The following CWC27 variants were observed in gnomAD, a reference collection of about 807,000 sequenced individuals.
CWC27 encodes spliceosome-associated protein CWC27 homolog.
In CWC27, 47 loss-of-function variants were observed where a neutral mutation model predicts 63.6. That is an observed-to-expected ratio of 0.74 (90% CI 0.58 to 0.94). The LOEUF (loss-of-function observed/expected upper bound fraction) is 0.94, where lower values mean the gene tolerates loss of function less well. CWC27 is among the 40% of genes least tolerant of loss of function. The probability of loss-of-function intolerance (pLI) is 0.00; values close to 1 mark genes in which losing one functional copy is unlikely to be tolerated. For synonymous variants in CWC27, 175 were observed against 179.8 expected, an observed-to-expected ratio of 0.97 and a Z score of 0.22; for missense variants, 495 against 554.3, an observed-to-expected ratio of 0.89 and a Z score of 1.07.
chr5:64,875,478 C>T (rs563905358), intron 10 of CWC27, among the ~76,000 whole-genome samples: 2 of 152,246 alleles, frequency 1.3e-5, no homozygotes, highest in South Asian at 2.1e-4. Flanking sequence ...GGTAGGTTCT[C>T]TGTTAGCCTC....
chr5:64,814,008 T>C (rs1411871944), intron 10 of CWC27, among the ~76,000 whole-genome samples: 1 of 152,090 alleles, frequency 6.6e-6, no homozygotes, highest in East Asian at 1.9e-4. Flanking sequence ...CAGTCCAGGA[T>C]GGCTTTGAAT....
intron 2 of CWC27, among the ~76,000 whole-genome samples, chr5:64,777,470 CTACTT>C (rs1448013593): frequency 6.6e-6 from 1 of 152,038 alleles, no homozygotes; most frequent in Non-Finnish European, 1.5e-5. Flanking sequence ...AAACGTATAA[CTACTT>C]TAAAGTGCAA....
chr5:64,889,240 T>C (rs569759549), intron 11 of CWC27, among the ~76,000 whole-genome samples: 1 of 152,068 alleles, frequency 6.6e-6, no homozygotes, highest in South Asian at 2.1e-4. Context: ...GTGTGGAAAA[T>C]GGTGAAATTC....
chr5:65,001,733 T>C (rs1749735338), intron 13 of CWC27, among the ~76,000 whole-genome samples: 1 of 152,128 alleles, frequency 6.6e-6, no homozygotes, highest in Non-Finnish European at 1.5e-5. Context: ...AGTATTTTGT[T>C]ATGAATTTTT....
At chr5:64,950,310 GT>G (rs777870598) in intron 11 of CWC27, among the ~76,000 whole-genome samples, 236 of 150,082 alleles carry the variant, frequency 1.6e-3, no homozygotes, top group Non-Finnish European at 1.7e-3. Context: ...ACATATAAGT[GT>G]TTTTTTTCCA....
chr5:64,793,080 T>C (rs1232462910), intron 7 of CWC27, among the ~76,000 whole-genome samples: 1 of 152,184 alleles, frequency 6.6e-6, no homozygotes, highest in Non-Finnish European at 1.5e-5. Flanking sequence ...TAGAATCTTA[T>C]GCCCTTATGC....
At chr5:64,842,894 A>T (rs1263866458) in intron 10 of CWC27, among the ~76,000 whole-genome samples, 1 of 152,114 alleles carries the variant, frequency 6.6e-6, no homozygotes, top group African/African-American at 2.4e-5. Context: ...GAGCCACCCT[A>T]CCCGGCCTTT....
intron 10 of CWC27, among the ~76,000 whole-genome samples, chr5:64,809,334 C>T (rs932515524): frequency 1.3e-5 from 2 of 152,122 alleles, no homozygotes; most frequent in Non-Finnish European, 2.9e-5. Context: ...TTTTGAAGTA[C>T]ATTAACTGTG....
chr5:64,875,352 T>C (rs1746771200), intron 10 of CWC27, among the ~76,000 whole-genome samples: 1 of 152,156 alleles, frequency 6.6e-6, no homozygotes, highest in African/African-American at 2.4e-5. Flanking sequence ...ATGGATATAG[T>C]CTTTTTATTC....
chr5:64,976,520 T>A (rs1749230905), intron 12 of CWC27, among the ~76,000 whole-genome samples: 1 of 151,980 alleles, frequency 6.6e-6, no homozygotes. Flanking sequence ...ATACATTTTT[T>A]ATTTTATTTT....
intron 11 of CWC27, among the ~76,000 whole-genome samples, chr5:64,928,796 A>C (rs1748172045): frequency 6.6e-6 from 1 of 152,236 alleles, no homozygotes; most frequent in African/African-American, 2.4e-5. Flanking sequence ...CATGGAAAGG[A>C]AAGAGAAACT....
At chr5:64,827,109 C>T (rs1315768666) in intron 10 of CWC27, among the ~76,000 whole-genome samples, 1 of 152,106 alleles carries the variant, frequency 6.6e-6, no homozygotes. Flanking sequence ...GCATCCTTTC[C>T]TTAGAAGATT....
chr5:64,772,833 A>G (rs1470595524), intron 1 of CWC27, among the ~76,000 whole-genome samples: 1 of 151,146 alleles, frequency 6.6e-6, no homozygotes, highest in African/African-American at 2.4e-5. Flanking sequence ...GCTACTCGGG[A>G]GGCTGAGGCA....
intron 10 of CWC27, among the ~76,000 whole-genome samples, chr5:64,881,239 A>T (rs1746928724): frequency 6.6e-6 from 1 of 152,054 alleles, no homozygotes; most frequent in South Asian, 2.1e-4. Context: ...AATTTTTAAT[A>T]ATCTGTATAG....
intron 10 of CWC27, among the ~76,000 whole-genome samples, chr5:64,860,629 C>T (rs760784076): frequency 6.6e-6 from 1 of 152,208 alleles, no homozygotes; most frequent in Non-Finnish European, 1.5e-5. Flanking sequence ...GTTGATATAA[C>T]ATCAGTCTTT....
chr5:64,902,689 C>T (rs949230702), intron 11 of CWC27, among the ~76,000 whole-genome samples: 1 of 152,040 alleles, frequency 6.6e-6, no homozygotes. Context: ...GTTGTTTTGT[C>T]TGTTCTACGT....
At chr5:64,912,427 T>C (rs950029454) in intron 11 of CWC27, among the ~76,000 whole-genome samples, 4 of 152,194 alleles carry the variant, frequency 2.6e-5, no homozygotes, top group Non-Finnish European at 4.4e-5. Flanking sequence ...ATATGCTTAC[T>C]TTTTACAAGG....
chr5:64,856,534 C>T (rs1454225954), intron 10 of CWC27, among the ~76,000 whole-genome samples: 1 of 151,528 alleles, frequency 6.6e-6, no homozygotes, highest in African/African-American at 2.4e-5. Flanking sequence ...ATAGTTTAGC[C>T]TTTCAACAAG....
At chr5:64,958,503 A>T (rs953620002) in intron 11 of CWC27, among the ~76,000 whole-genome samples, 1 of 152,192 alleles carries the variant, frequency 6.6e-6, no homozygotes, top group South Asian at 2.1e-4. Flanking sequence ...AGAATTTAAA[A>T]ATCAAGATTA....
Sources: gnomAD v4.1 joint callset for allele counts (sites outside exome capture counted in the v4.1 genomes callset) on GRCh38, gnomAD v4.1.1 for gene constraint, MANE v1.5 for transcripts, NCBI Gene and HGNC (gene_info 2026-07-23, HGNC 2026-07-21) for gene names.